Variants in UNC5A observed in about 807,000 individuals in gnomAD.
UNC5A encodes the protein unc-5 netrin receptor A.
Under a neutral mutation model 87.4 loss-of-function variants are expected in UNC5A, and 20 were observed. That is an observed-to-expected ratio of 0.23 (90% CI 0.16 to 0.33). UNC5A has a LOEUF of 0.33. UNC5A is among the 10% of genes least tolerant of loss of function. The pLI is 1.00. For missense variants in UNC5A, 844 were observed against 1,133.4 expected (o/e 0.74, Z 3.67); for synonymous variants, 438 against 482.3 (o/e 0.91, Z 1.20).
chr5:176,815,688 C>G (rs1756570103), intron 1 of UNC5A, among the ~76,000 whole-genome samples: 1 of 152,192 alleles, frequency 6.6e-6, no homozygotes, highest in African/African-American at 2.4e-5. Context: ...GAGGTGGGGA[C>G]TTAAGCCGCA....
At chr5:176,831,869 C>T (rs1757032355) in intron 1 of UNC5A, among the ~76,000 whole-genome samples, 1 of 145,070 alleles carries the variant, frequency 6.9e-6, no homozygotes, top group Admixed American at 7.0e-5. Context: ...TTCACTTTCA[C>T]ACACTTTCTC....
chr5:176,868,991 G>T (rs1288127990), intron 5 of UNC5A, 27 bp downstream of exon 5: 1 of 1,576,070 alleles, frequency 6.3e-7, no homozygotes, highest in Non-Finnish European at 8.6e-7. Flanking sequence ...CCTGGTCACA[G>T]GGAGAGGCAC....
At chr5:176,862,917 A>T (rs1757878657) in intron 2 of UNC5A, 72 bp downstream of exon 2, 1 of 1,560,178 alleles carries the variant, frequency 6.4e-7, no homozygotes, top group Non-Finnish European at 8.7e-7. Context: ...AGGAGCCTGC[A>T]GCTGCCCCCA....
intron 1 of UNC5A, among the ~76,000 whole-genome samples, chr5:176,858,487 TGTCA>T (rs1472699157): frequency 6.6e-6 from 1 of 151,984 alleles, no homozygotes; most frequent in African/African-American, 2.4e-5. Flanking sequence ...GGCTCAGTGA[TGTCA>T]GTCAAAGGCA....
chr5:176,868,221 A>G lies in UNC5A; in HGVS notation c.384A>G (p.Ala128=). 6.2e-7 allele frequency: 1 copy of G among 1,613,564 alleles called. No homozygotes were observed. ...AGGAATACTGGTGCCAGTGCGTGGC[A>G]TGGAGCTCCTCGGGCACCACCAAGA... is the stretch of plus-strand genomic sequence containing the variant. The part of the protein sequence containing the change: ...GLEEYWCQCV[A]WSSSGTTKSQ... Residue 128 remains alanine (A), a synonymous_variant, in exon 3 of 15, where the codon GCA becomes GCG. Transcript: ENST00000329542.
intron 1 of UNC5A, among the ~76,000 whole-genome samples, chr5:176,827,465 G>A (rs1308006361): frequency 6.6e-6 from 1 of 152,174 alleles, no homozygotes; most frequent in Non-Finnish European, 1.5e-5. Flanking sequence ...TTACAGGTGT[G>A]AGCCACCATG....
chr5:176,833,585 T>A (rs1757075667), intron 1 of UNC5A, among the ~76,000 whole-genome samples: 1 of 152,192 alleles, frequency 6.6e-6, no homozygotes, highest in South Asian at 2.1e-4. Flanking sequence ...AGGTGGGGCC[T>A]CCCTAGGCAC....
At chr5:176,856,908 G>C (rs1347262405) in intron 1 of UNC5A, among the ~76,000 whole-genome samples, 1 of 152,168 alleles carries the variant, frequency 6.6e-6, no homozygotes, top group Non-Finnish European at 1.5e-5. Context: ...CCTGCTTCCT[G>C]TCTGACCAAA....
At chr5:176,835,150 C>G (rs1051820329) in intron 1 of UNC5A, among the ~76,000 whole-genome samples, 2 of 152,270 alleles carry the variant, frequency 1.3e-5, no homozygotes, top group Non-Finnish European at 2.9e-5. Flanking sequence ...CATGTGTTCT[C>G]ACATCCCATC....
chr5:176,843,161 C>CAA (rs546212256), intron 1 of UNC5A, among the ~76,000 whole-genome samples: 8 of 90,216 alleles, frequency 8.9e-5, no homozygotes, highest in African/African-American at 2.1e-4. Context: ...AACTCTGTCT[C>CAA]AAAAAAAAAA....
chr5:176,866,463 G>A lies in UNC5A; in HGVS notation c.293-1667G>A, dbSNP rs1298069221. 6.6e-6 allele frequency among the ~76,000 whole-genome samples: 1 copy of A among 152,174 alleles called. No individual in the cohort carries two copies. The highest frequency in any genetic ancestry group is 1.5e-5 in the Non-Finnish European group (1 of 68,026). The stretch of plus-strand genomic sequence containing the variant: ...GGAGAAGAAAAGGGAGCGCTTAAAG[G>A]TAGTGCTGTTCTCCCAAGCTGAGCC... On this transcript the variant is annotated intron_variant, in intron 2 of 14. Transcript: ENST00000329542. This position sits in a 1 kb window ranked among gnomAD's most constrained non-coding sequence, Gnocchi z 5.0.
chr5:176,843,473 G>C (rs1757329640), intron 1 of UNC5A, among the ~76,000 whole-genome samples: 1 of 152,174 alleles, frequency 6.6e-6, no homozygotes, highest in Admixed American at 6.5e-5. Flanking sequence ...AAAGGGGCTG[G>C]CGGGAACTTT....
At chr5:176,835,464 C>T (rs1757130839) in intron 1 of UNC5A, among the ~76,000 whole-genome samples, 1 of 152,222 alleles carries the variant, frequency 6.6e-6, no homozygotes, top group Admixed American at 6.5e-5. Flanking sequence ...CAGGAAATTC[C>T]CTGATTCCTT....
chr5:176,856,095 C>T (rs537351990), intron 1 of UNC5A, among the ~76,000 whole-genome samples: 26 of 152,368 alleles, frequency 1.7e-4, no homozygotes, highest in African/African-American at 6.0e-4. Flanking sequence ...CTACCCCTCC[C>T]CTGCCCCCAG....
rs571213703 is a variant in UNC5A at position 176,845,522 on chromosome 5, G to T, written c.71-17102G>T. Among the ~76,000 whole-genome samples the T allele has an allele frequency of 2.0e-5, 3 of 152,366 alleles. No homozygotes were observed. In the South Asian group the frequency reaches 6.2e-4, roughly 32 times the overall value. ...TTGCTGGCTTCCCCTGCTGGACGAT[G>T]AGTGCCCCACAGACCCTCTGCAGCC... On this transcript the variant is annotated intron_variant, in intron 1 of 14. Transcript: ENST00000329542.
intron 13 of UNC5A, 65 bp downstream of exon 13, chr5:176,878,704 A>T: frequency 6.4e-7 from 1 of 1,555,186 alleles, no homozygotes; most frequent in Non-Finnish European, 8.7e-7. Context: ...ACCAGCCCCC[A>T]AAACGCTCCT....
chr5:176,876,639 C>T (rs1485054901), intron 8 of UNC5A, among the ~76,000 whole-genome samples: 1 of 152,200 alleles, frequency 6.6e-6, no homozygotes, highest in East Asian at 1.9e-4. Flanking sequence ...ATAGGTTATT[C>T]AAGACCCACC....
chr5:176,845,649 GAAAC>G (rs1757386298), intron 1 of UNC5A, among the ~76,000 whole-genome samples: 1 of 152,262 alleles, frequency 6.6e-6, no homozygotes, highest in Non-Finnish European at 1.5e-5. Context: ...CCAGGTGGAT[GAAAC>G]AGACAGCCCC....
rs375099724 is a variant in UNC5A at position 176,862,619 on chromosome 5, C to T, written c.71-5C>T. 2.0e-4 allele frequency: 317 copies of T among 1,612,906 alleles called. 1 individual carries two copies. The highest frequency in any genetic ancestry group is 2.4e-4 in the Non-Finnish European group (289 of 1,179,706). On this transcript the variant is annotated splice_region_variant and splice_polypyrimidine_tract_variant and intron_variant, in intron 1 of 14. Coordinates refer to ENST00000329542, the MANE Select transcript of UNC5A (RefSeq NM_133369.3). Reference sequence around the variant, plus strand: ...GGCTCACCTTCCCCCTCTGCCCTGCCGCAGGTGCCCAGCAGAGTGCCACCG... The same window carrying T: ...GGCTCACCTTCCCCCTCTGCCCTGCTGCAGGTGCCCAGCAGAGTGCCACCG...
Sources: gnomAD v4.1 joint callset for allele counts (sites outside exome capture counted in the v4.1 genomes callset) on GRCh38, gnomAD v4.1.1 for gene constraint, Gnocchi (gnomAD v3.1) non-coding constraint, MANE v1.5 for transcripts, NCBI Gene and HGNC (gene_info 2026-07-23, HGNC 2026-07-21) for gene names.